The following USP49 variants were observed in gnomAD, a reference collection of about 807,000 sequenced individuals.
USP49 encodes the protein ubiquitin specific peptidase 49, also known as ubiquitin carboxyl-terminal hydrolase 49.
A neutral mutation model predicts 58.6 loss-of-function variants in USP49; 24 were observed. The observed-to-expected ratio is 0.41, with a 90% CI of 0.30 to 0.58. The LOEUF is 0.58. Among genes scored for constraint, USP49 ranks in the 20% least tolerant of loss-of-function variants. The probability of loss-of-function intolerance (pLI) is 0.30; values close to 1 mark genes in which losing one functional copy is unlikely to be tolerated. For missense variants in USP49, 703 were observed against 866.1 expected (o/e 0.81, Z 2.36); for synonymous variants, 408 against 365.1 (o/e 1.12, Z -1.34).
intron 3 of USP49, among the ~76,000 whole-genome samples, chr6:41,821,129 T>C (rs1773445624): frequency 6.6e-6 from 1 of 152,168 alleles, no homozygotes. Context: ...TATGAGATAC[T>C]CTTCATTTTT....
In USP49 at chr6:41,790,860, T is replaced by C. The variant is rs896930190; in HGVS notation, c.*5673A>G. 4 of 152,192 alleles carry C rather than the reference T, an allele frequency of 2.6e-5. No homozygotes were observed. The highest frequency in any genetic ancestry group is 7.2e-5 in the African/African-American group (3 of 41,434). 9.4% of individuals were successfully genotyped at this position (152,192 alleles called of 1,614,324 possible). The stretch of plus-strand genomic sequence containing the variant: ...TTGACTCTGAGAGGTTTATATCTTA[T>C]TGGGTATTAAGATAAAGAAGGGTCA... On this transcript the variant is annotated 3_prime_UTR_variant, in exon 8 of 8. Coordinates refer to ENST00000682992, the MANE Select transcript of USP49 (RefSeq NM_001286554.2).
intron 2 of USP49, among the ~76,000 whole-genome samples, chr6:41,882,732 C>T (rs189995775): frequency 1.1e-4 from 17 of 152,170 alleles, no homozygotes; most frequent in Middle Eastern, 6.8e-3. Flanking sequence ...CTGGCTAACA[C>T]GGTGAAACCT....
At chr6:41,800,979 T>C (rs1222848111) in intron 5 of USP49, among the ~76,000 whole-genome samples, 1 of 152,254 alleles carries the variant, frequency 6.6e-6, no homozygotes, top group African/African-American at 2.4e-5. Context: ...GATCAGTCTC[T>C]AATTTTGTTT....
At chr6:41,867,342 A>C (rs1275573345) in intron 3 of USP49, among the ~76,000 whole-genome samples, 1 of 152,208 alleles carries the variant, frequency 6.6e-6, no homozygotes, top group Admixed American at 6.5e-5. Context: ...GCAATTTCCA[A>C]TTATCAATCA....
At position 41,891,424 on chromosome 6, in the gene USP49, T is replaced by C. The variant is rs149061414; in HGVS notation, c.-103+370A>G. The stretch of plus-strand genomic sequence containing the variant: ...TTAATCTCAAGGACCCTCTATTTCA[T>C]CACCTGTAAAATGAGAATAGTAATA... On this transcript the variant is annotated intron_variant, in intron 2 of 7. Transcript: ENST00000682992. Among the ~76,000 whole-genome samples the C allele has an allele frequency of 5.3e-5, 8 of 152,332 alleles. No individual in the cohort carries two copies. In the East Asian group the frequency reaches 1.5e-3, roughly 29 times the overall value.
intron 3 of USP49, among the ~76,000 whole-genome samples, chr6:41,859,481 G>A (rs1014663510): frequency 3.9e-5 from 6 of 152,134 alleles, no homozygotes; most frequent in East Asian, 3.9e-4. Flanking sequence ...CTCCGAGCAC[G>A]TGTGTACTTT....
intron 3 of USP49, among the ~76,000 whole-genome samples, chr6:41,818,604 C>T (rs896645327): frequency 3.3e-5 from 5 of 152,184 alleles, no homozygotes; most frequent in Admixed American, 3.3e-4. Flanking sequence ...CAATTTGTCC[C>T]ACTGCTTAGG....
In USP49 at chr6:41,800,285, C is replaced by G. The variant is rs9471662; in HGVS notation, c.1562-347G>C. Among the ~76,000 whole-genome samples, 938 of 152,292 alleles carry G rather than the reference C, an allele frequency of 6.2e-3. 8 individuals carry two copies. The highest frequency in any genetic ancestry group is 0.02 in the African/African-American group (818 of 41,554). On this transcript the variant is annotated intron_variant, in intron 5 of 7. Transcript: ENST00000682992. The stretch of plus-strand genomic sequence containing the variant: ...GGTAACTTTGAAGACAGAAGTCTTG[C>G]AATGGGATAGTAAAACAGAAAACAG...
At chr6:41,822,322 A>G (rs1488437527) in intron 3 of USP49, among the ~76,000 whole-genome samples, 2 of 152,212 alleles carry the variant, frequency 1.3e-5, no homozygotes, top group African/African-American at 4.8e-5. Flanking sequence ...CTGCAGAGAA[A>G]AAAAGGAACA....
At chr6:41,826,160 G>C (rs1463462771) in intron 3 of USP49, among the ~76,000 whole-genome samples, 2 of 152,146 alleles carry the variant, frequency 1.3e-5, no homozygotes, top group Non-Finnish European at 2.9e-5. Flanking sequence ...AGCTACTCAG[G>C]AGGCTGAGGT....
intron 3 of USP49, among the ~76,000 whole-genome samples, chr6:41,835,730 A>AC (rs1773714580): frequency 6.6e-6 from 1 of 151,188 alleles, no homozygotes; most frequent in African/African-American, 2.4e-5. Flanking sequence ...AGAAAAAAAA[A>AC]CACCAGAAAA....
intron 3 of USP49, chr6:41,869,034 G>C (rs1488934545): frequency 6.6e-6 from 1 of 150,418 alleles, no homozygotes; most frequent in Non-Finnish European, 1.5e-5. Context: ...AAAGTGCTGG[G>C]ATTACAGGCG....
At chr6:41,856,144 T>G (rs1027693312) in intron 3 of USP49, among the ~76,000 whole-genome samples, 2 of 151,702 alleles carry the variant, frequency 1.3e-5, no homozygotes, top group Non-Finnish European at 2.9e-5. Flanking sequence ...GAGGCCTAGG[T>G]GGGTGGATCA....
intron 3 of USP49, among the ~76,000 whole-genome samples, chr6:41,829,052 ATACTT>A (rs1350155609): frequency 6.6e-6 from 1 of 152,070 alleles, no homozygotes; most frequent in Non-Finnish European, 1.5e-5. Context: ...TATTTCCTGG[ATACTT>A]TATAGTTTTT....
chr6:41,828,853 A>AT (rs1773586711), intron 3 of USP49, among the ~76,000 whole-genome samples: 1 of 151,130 alleles, frequency 6.6e-6, no homozygotes, highest in African/African-American at 2.5e-5. Flanking sequence ...ATACATCTGG[A>AT]TTTTTTCCTC....
At chr6:41,849,872 T>G (rs1773992676) in intron 3 of USP49, among the ~76,000 whole-genome samples, 1 of 152,156 alleles carries the variant, frequency 6.6e-6, no homozygotes, top group Non-Finnish European at 1.5e-5. Flanking sequence ...CCCAAAGTGC[T>G]GGGATTACAG....
At chr6:41,849,141 A>C (rs1486649218) in intron 3 of USP49, among the ~76,000 whole-genome samples, 1 of 152,240 alleles carries the variant, frequency 6.6e-6, no homozygotes, top group African/African-American at 2.4e-5. Context: ...GCAAATGGTA[A>C]CCAGAAGAGA....
chr6:41,802,452 A>ATTTTTTTTTTTTTTTTTTTTTTTT (rs1561902624), intron 5 of USP49, among the ~76,000 whole-genome samples: 1 of 63,832 alleles, frequency 1.6e-5, no homozygotes, highest in Non-Finnish European at 2.9e-5. Flanking sequence ...TTATTTATTT[A>ATTTTTTTTTTTTTTTTTTTTTTTT]TTTATTTATT....
intron 3 of USP49, among the ~76,000 whole-genome samples, chr6:41,837,901 G>T (rs1278574211): frequency 6.6e-6 from 1 of 152,184 alleles, no homozygotes; most frequent in Non-Finnish European, 1.5e-5. Context: ...ACCACAATGA[G>T]ATACCATCTC....
Sources: allele counts gnomAD v4.1 joint callset (sites outside exome capture counted in the v4.1 genomes callset), GRCh38; gene constraint gnomAD v4.1.1; transcripts MANE v1.5; gene names NCBI Gene and HGNC (gene_info 2026-07-23, HGNC 2026-07-21).